The following KCNMA1 variants were observed in gnomAD, a reference collection of about 807,000 sequenced individuals.
KCNMA1 encodes Calcium-activated potassium channel subunit alpha-1.
In KCNMA1, 29 loss-of-function variants were observed where a neutral mutation model predicts 140.0. That is an observed-to-expected ratio of 0.21 (90% CI 0.15 to 0.28). The LOEUF (loss-of-function observed/expected upper bound fraction) is 0.28, where lower values mean the gene tolerates loss of function less well. Among genes scored for constraint, KCNMA1 ranks in the 10% least tolerant of loss-of-function variants. The probability of loss-of-function intolerance (pLI) is 1.00; values close to 1 mark genes in which losing one functional copy is unlikely to be tolerated. For synonymous variants in KCNMA1, 612 were observed against 611.9 expected, an observed-to-expected ratio of 1.00 and a Z score of 0.00; for missense variants, 880 against 1,602.2, an observed-to-expected ratio of 0.55 and a Z score of 7.70.
At position 76,885,112 on chromosome 10, in the gene KCNMA1, T is replaced by C; in HGVS notation, c.*2154A>G. ...TTTAACTGGCACATTCTTATAGTTATAAATGTTCTGAGGGCGTAACTTTAT... is the reference window on the plus strand; with the variant it reads ...TTTAACTGGCACATTCTTATAGTTACAAATGTTCTGAGGGCGTAACTTTAT... On this transcript the variant is annotated 3_prime_UTR_variant, in exon 28 of 28. Coordinates refer to ENST00000286628, the MANE Select transcript of KCNMA1 (RefSeq NM_001161352.2). 6.6e-7 allele frequency: 1 copy of C among 1,507,016 alleles called. No individual in the cohort carries two copies. Among genetic ancestry groups the C allele is most frequent in the South Asian group, 1.3e-5 (1 of 75,246 alleles). 93.4% of individuals were successfully genotyped at this position (1,507,016 alleles called of 1,614,324 possible). A position where few individuals can be genotyped will look rare whatever the true frequency, so the allele number is the denominator to read the frequency against.
At chr10:77,551,209 A>C (rs1489959916) in intron 1 of KCNMA1, among the ~76,000 whole-genome samples, 1 of 152,156 alleles carries the variant, frequency 6.6e-6, no homozygotes, top group East Asian at 1.9e-4. Context: ...TAAATATTGT[A>C]CTTAAAGTGG....
intron 17 of KCNMA1, chr10:77,012,647 T>A: frequency 9.7e-7 from 1 of 1,031,964 alleles, no homozygotes; most frequent in South Asian, 1.4e-5. Flanking sequence ...ACTCCAAAGC[T>A]GACTGGACCA....
intron 1 of KCNMA1, among the ~76,000 whole-genome samples, chr10:77,422,012 T>A (rs1180917902): frequency 2.6e-5 from 4 of 152,230 alleles, no homozygotes; most frequent in African/African-American, 9.6e-5. Context: ...TTCTAACAAA[T>A]GTTCAATGCT....
At chr10:77,610,083 C>G (rs2086252550) in intron 1 of KCNMA1, among the ~76,000 whole-genome samples, 1 of 152,236 alleles carries the variant, frequency 6.6e-6, no homozygotes, top group Admixed American at 6.5e-5. Flanking sequence ...CTGCGGCTTT[C>G]TGGCCCAAAT....
intron 19 of KCNMA1, among the ~76,000 whole-genome samples, chr10:76,992,034 C>T (rs2082915420): frequency 6.6e-6 from 1 of 152,164 alleles, no homozygotes; most frequent in South Asian, 2.1e-4. Flanking sequence ...TCAAAAGATT[C>T]CATTTTCTAT....
intron 5 of KCNMA1, among the ~76,000 whole-genome samples, chr10:77,154,827 GCAAA>G (rs1224935796): frequency 1.3e-5 from 2 of 152,188 alleles, no homozygotes; most frequent in African/African-American, 2.4e-5. Context: ...AAACAATGAA[GCAAA>G]CAAACAACTA....
intron 3 of KCNMA1, among the ~76,000 whole-genome samples, chr10:77,196,410 C>T (rs559984624): frequency 9.2e-5 from 14 of 152,300 alleles, no homozygotes; most frequent in Admixed American, 2.0e-4. Context: ...AATATGCCAA[C>T]GTGCTGGGCA....
chr10:77,593,947 C>T (rs1003011260), intron 1 of KCNMA1, among the ~76,000 whole-genome samples: 4 of 152,206 alleles, frequency 2.6e-5, no homozygotes, highest in Admixed American at 2.0e-4. Flanking sequence ...GGAGCACAGT[C>T]CTCGCCAGGA....
intron 2 of KCNMA1, among the ~76,000 whole-genome samples, chr10:77,401,714 A>C (rs996099789): frequency 1.5e-4 from 23 of 152,116 alleles, no homozygotes. Context: ...CTTGTGTTTA[A>C]GCCTGGATAT....
At chr10:76,896,070 G>A (rs1168961009) in intron 25 of KCNMA1, among the ~76,000 whole-genome samples, 1 of 152,214 alleles carries the variant, frequency 6.6e-6, no homozygotes, top group East Asian at 1.9e-4. Context: ...CAGAGAACCG[G>A]TCTGACTAGA....
At chr10:77,409,794 G>A (rs2096577777) in intron 1 of KCNMA1, among the ~76,000 whole-genome samples, 1 of 152,136 alleles carries the variant, frequency 6.6e-6, no homozygotes, top group Non-Finnish European at 1.5e-5. Flanking sequence ...TCAGGTCTGT[G>A]GTGTGGCAGG....
At chr10:77,571,179 C>T (rs537272958) in intron 1 of KCNMA1, among the ~76,000 whole-genome samples, 169 of 152,302 alleles carry the variant, frequency 1.1e-3, no homozygotes, top group African/African-American at 3.9e-3. Flanking sequence ...GGAACTATAT[C>T]TGAAACCCTC....
At chr10:77,304,597 G>GA (rs1048052499) in intron 2 of KCNMA1, 1 of 152,160 alleles carries the variant, frequency 6.6e-6, no homozygotes, top group African/African-American at 2.4e-5. Flanking sequence ...AATAATTTGG[G>GA]AAAAAATGGC....
exon 30 of KCNMA1, chr10:76,877,775 C>G (rs1221363499): frequency 1.9e-6 from 3 of 1,565,014 alleles, no homozygotes; most frequent in Non-Finnish European, 2.6e-6. Context: ...TTGGTGGAAT[C>G]AAGCTGCTTG....
intron 19 of KCNMA1, among the ~76,000 whole-genome samples, chr10:76,988,723 G>C (rs1041497782): frequency 6.6e-6 from 1 of 151,598 alleles, no homozygotes; most frequent in African/African-American, 2.4e-5. Flanking sequence ...TTTAGGGATG[G>C]ACAAGCCATA....
chr10:76,921,453 C>T (rs192096142), intron 23 of KCNMA1, among the ~76,000 whole-genome samples: 1 of 152,262 alleles, frequency 6.6e-6, no homozygotes, highest in East Asian at 1.9e-4. Flanking sequence ...GTAAATGCAA[C>T]AATGCTATTT....
At chr10:77,122,979 C>A (rs1437937830) in intron 5 of KCNMA1, among the ~76,000 whole-genome samples, 2 of 150,826 alleles carry the variant, frequency 1.3e-5, no homozygotes, top group African/African-American at 4.9e-5. Flanking sequence ...GAGATCGAGA[C>A]CATCCTGGCT....
At chr10:77,089,019 T>C (rs1169839253) in intron 10 of KCNMA1, among the ~76,000 whole-genome samples, 1 of 152,148 alleles carries the variant, frequency 6.6e-6, no homozygotes, top group Non-Finnish European at 1.5e-5. Context: ...ACTATACCTC[T>C]AGAGAACTTT....
At chr10:77,176,274 C>T (rs1259508861) in intron 5 of KCNMA1, among the ~76,000 whole-genome samples, 2 of 152,190 alleles carry the variant, frequency 1.3e-5, no homozygotes, top group Non-Finnish European at 2.9e-5. Flanking sequence ...TCTCTGTAAA[C>T]TCCAGAAAGC....
Sources: gnomAD v4.1 joint callset for allele counts (sites outside exome capture counted in the v4.1 genomes callset) on GRCh38, gnomAD v4.1.1 for gene constraint, MANE v1.5 for transcripts, NCBI Gene and HGNC (gene_info 2026-07-23, HGNC 2026-07-21) for gene names.